Variants in NXPE2 observed in about 807,000 individuals in gnomAD.
NXPE2 encodes NXPE family member 2.
NXPE2 carries 34 observed loss-of-function variants against 34.4 expected under a neutral mutation model. That is an observed-to-expected ratio of 0.99 (90% confidence interval 0.75 to 1.31). The LOEUF (loss-of-function observed/expected upper bound fraction) is 1.31, where lower values mean the gene tolerates loss of function less well. NXPE2 is among the 40% of genes most tolerant of loss of function. The pLI is 0.00. For synonymous variants in NXPE2, 235 were observed against 231.3 expected (o/e 1.02, Z -0.15); for missense variants, 649 against 672.5 (o/e 0.97, Z 0.39).
the NXPE2 span, chr11:114,582,307 C>T: frequency 3.2e-4 from 508 of 1,579,328 alleles, 2 homozygotes; most frequent in African/African-American, 6.0e-3. Context: ...AGGCTCTTTT[C>T]TTGTTTGCTA....
intron 2 of NXPE2, among the ~76,000 whole-genome samples, chr11:114,687,619 A>G (rs1435150643): frequency 6.6e-6 from 1 of 152,002 alleles, no homozygotes; most frequent in African/African-American, 2.4e-5. Context: ...TTCCATATGA[A>G]TTTTAGAATA....
chr11:114,650,459 C>A, the NXPE2 span, among the ~76,000 whole-genome samples: 5 of 152,094 alleles, frequency 3.3e-5, no homozygotes, highest in South Asian at 4.1e-4. Context: ...TTGGTGCAGG[C>A]ATGAAGGAAG....
chr11:114,698,200 AC>A lies in NXPE2; in HGVS notation c.291del (p.Arg98AspfsTer6), dbSNP rs746157083. 6 of 1,614,044 alleles carry A rather than the reference AC, an allele frequency of 3.7e-6. No individual in the cohort carries two copies. The South Asian group carries it at 6.6e-5, about 18-fold the overall frequency. ...TGGAGAAACTAGACCAGCAGATCCC[AC>A]CCAGACCTTTCACCCATGTGAATAC... ...IMEKLDQQIP[P>X]RPFTHVNTTT... On this transcript the variant is annotated frameshift_variant, in exon 3 of 6. Transcript: ENST00000389586. LOFTEE classifies it high-confidence loss of function.
At chr11:114,544,770 G>A in the NXPE2 span, among the ~76,000 whole-genome samples, 1 of 152,150 alleles carries the variant, frequency 6.6e-6, no homozygotes, top group East Asian at 1.9e-4. Context: ...ACACTGTTAA[G>A]AGGATGCAGA....
At chr11:114,538,841 G>A in the NXPE2 span, among the ~76,000 whole-genome samples, 1 of 151,920 alleles carries the variant, frequency 6.6e-6, no homozygotes, top group Non-Finnish European at 1.5e-5. Flanking sequence ...TGGTGGGACT[G>A]TAAACTAGTT....
the NXPE2 span, among the ~76,000 whole-genome samples, chr11:114,493,113 G>C: frequency 6.6e-6 from 1 of 151,924 alleles, no homozygotes; most frequent in African/African-American, 2.4e-5. Context: ...TTTGATATAA[G>C]TATAGCTACT....
chr11:114,721,886 T>A, the NXPE2 span, among the ~76,000 whole-genome samples: 1 of 151,646 alleles, frequency 6.6e-6, no homozygotes, highest in Non-Finnish European at 1.5e-5. Context: ...TAGATAGAAA[T>A]AGAACAGGGG....
chr11:114,746,408 C>T, the NXPE2 span, among the ~76,000 whole-genome samples: 4 of 152,070 alleles, frequency 2.6e-5, no homozygotes, highest in Non-Finnish European at 5.9e-5. Flanking sequence ...TACAAGAAAC[C>T]CAGTATGTCA....
the NXPE2 span, among the ~76,000 whole-genome samples, chr11:114,523,385 T>C: frequency 6.6e-6 from 1 of 152,306 alleles, no homozygotes; most frequent in Admixed American, 6.5e-5. Flanking sequence ...CCTTTTTTCC[T>C]GACTCTGTGG....
chr11:114,793,657 G>A, the NXPE2 span, among the ~76,000 whole-genome samples: 8 of 152,192 alleles, frequency 5.3e-5, no homozygotes, highest in African/African-American at 9.7e-5. Flanking sequence ...CATGTTGAAG[G>A]TAAAGCACAG....
chr11:114,781,975 G>A, the NXPE2 span, among the ~76,000 whole-genome samples: 4 of 152,136 alleles, frequency 2.6e-5, no homozygotes, highest in South Asian at 2.1e-4. Flanking sequence ...ATGTGCAGTC[G>A]TCCCTCGGTA....
At chr11:114,476,317 A>C in the NXPE2 span, among the ~76,000 whole-genome samples, 2 of 152,246 alleles carry the variant, frequency 1.3e-5, no homozygotes, top group Non-Finnish European at 2.9e-5. Context: ...TTAATTATAC[A>C]TAAACATGTA....
the NXPE2 span, among the ~76,000 whole-genome samples, chr11:114,498,524 A>C: frequency 1.4e-4 from 22 of 152,108 alleles, no homozygotes; most frequent in African/African-American, 5.3e-4. Flanking sequence ...AGAAAAATGC[A>C]AAAGAGTAAT....
At chr11:114,635,540 G>A in the NXPE2 span, among the ~76,000 whole-genome samples, 9 of 152,088 alleles carry the variant, frequency 5.9e-5, no homozygotes, top group South Asian at 1.7e-3. Flanking sequence ...CCTGTCTTGT[G>A]CCAGTTTTCA....
intron 3 of NXPE2, among the ~76,000 whole-genome samples, chr11:114,700,019 C>T (rs1322992327): frequency 1.3e-5 from 2 of 152,234 alleles, no homozygotes; most frequent in East Asian, 3.9e-4. Context: ...GTCTTGAACT[C>T]CCCAGCTCAG....
the NXPE2 span, among the ~76,000 whole-genome samples, chr11:114,803,806 C>T: frequency 6.6e-6 from 1 of 151,992 alleles, no homozygotes; most frequent in South Asian, 2.1e-4. Flanking sequence ...TCTCAAACTC[C>T]AGACCTCGTG....
the NXPE2 span, among the ~76,000 whole-genome samples, chr11:114,811,928 G>T: frequency 6.6e-6 from 1 of 152,162 alleles, no homozygotes; most frequent in Non-Finnish European, 1.5e-5. Flanking sequence ...TTAGAGAACT[G>T]CTGGGAGAAT....
the NXPE2 span, among the ~76,000 whole-genome samples, chr11:114,494,439 T>G: frequency 6.6e-6 from 1 of 152,190 alleles, no homozygotes; most frequent in Non-Finnish European, 1.5e-5. Context: ...TAGCCTGTAT[T>G]CAAACTCACT....
At chr11:114,759,463 A>G in the NXPE2 span, among the ~76,000 whole-genome samples, 235 of 152,360 alleles carry the variant, frequency 1.5e-3, 1 homozygote, top group Middle Eastern at 0.017. Context: ...AACCATGGTA[A>G]GATTTATTAC....
Sources: allele counts gnomAD v4.1 joint callset (sites outside exome capture counted in the v4.1 genomes callset), GRCh38; gene constraint gnomAD v4.1.1; transcripts MANE v1.5; gene names NCBI Gene and HGNC (gene_info 2026-07-23, HGNC 2026-07-21).